The following SLC2A2 variants were observed in gnomAD, a reference collection of about 807,000 sequenced individuals.
SLC2A2 encodes the protein solute carrier family 2 member 2.
Under a neutral mutation model 54.5 loss-of-function variants are expected in SLC2A2, and 36 were observed. The observed-to-expected ratio is 0.66, with a 90% CI of 0.51 to 0.87. SLC2A2 has a LOEUF of 0.87. Among genes scored for constraint, SLC2A2 ranks in the 40% least tolerant of loss-of-function variants. The pLI, the probability that SLC2A2 is intolerant of heterozygous loss-of-function variation, is 0.00. For synonymous variants in SLC2A2, 223 were observed against 219.1 expected (o/e 1.02, Z -0.16); for missense variants, 543 against 624.3 (o/e 0.87, Z 1.39).
chr3:171,018,774 G>A, intron 1 of SLC2A2, 151 bp from the exon 2 acceptor site: 1 of 681,670 alleles, frequency 1.5e-6, no homozygotes, highest in South Asian at 1.5e-5. Flanking sequence ...CTCCAGGCTG[G>A]CAGGTGTTGT....
Position 171,002,645 on chromosome 3 carries a change from A to G in SLC2A2, c.999T>C (p.Ala333=). 6.2e-7 allele frequency: 1 copy of G among 1,609,906 alleles called. No homozygotes were observed. Among genetic ancestry groups the G allele is most frequent in the Non-Finnish European group, 8.5e-7 (1 of 1,177,538 alleles). ...FYYSTSIFQT[A]GISKPVYATI... is the part of the protein sequence containing the mutation. ...TTGCATAAACAGGTTTGCTGATACC[A>G]GCCGTCTGAAAAATGCTGGTTGAGT... Residue 333 remains alanine, a synonymous_variant, in exon 8 of 11, where the codon GCT becomes GCC. Transcript: ENST00000314251.
In SLC2A2 at chr3:170,996,916, A is replaced by G; in HGVS notation, c.*987T>C. 1 of 357,332 alleles carries G rather than the reference A, an allele frequency of 2.8e-6. No individual in the cohort carries two copies. The highest frequency in any genetic ancestry group is 4.0e-5 in the East Asian group (1 of 25,070). The allele number at this position is 357,332 out of a possible 1,614,324, so 22.1% of individuals were successfully genotyped here. A position where few individuals can be genotyped will look rare whatever the true frequency, so the allele number is the denominator to read the frequency against. ...GGAATCCTCAAACCCTACCTTTTCA[A>G]CTTATTTTGAGACATAATAATTCAG... On this transcript the variant is annotated 3_prime_UTR_variant, in exon 11 of 11. Coordinates refer to ENST00000314251, the MANE Select transcript of SLC2A2 (RefSeq NM_000340.2).
intron 6 of SLC2A2, 132 bp downstream of exon 6, chr3:171,005,811 C>T: frequency 1.1e-6 from 1 of 872,588 alleles, no homozygotes; most frequent in South Asian, 1.5e-5. Context: ...AAATGACATG[C>T]ACCAGTCATA....
intron 3 of SLC2A2, among the ~76,000 whole-genome samples, chr3:171,011,286 A>G (rs547280928): frequency 2.0e-5 from 3 of 152,274 alleles, no homozygotes; most frequent in South Asian, 4.1e-4. Flanking sequence ...ATTATCTTCA[A>G]TTATCTGAGT....
At chr3:171,011,323 C>T (rs527665571) in intron 3 of SLC2A2, among the ~76,000 whole-genome samples, 4 of 152,116 alleles carry the variant, frequency 2.6e-5, no homozygotes, top group African/African-American at 4.8e-5. Flanking sequence ...TCACAAATGT[C>T]CTGATAAGAG....
chr3:170,996,482 A>C lies in SLC2A2; in HGVS notation c.*1421T>G, dbSNP rs991571904. 16 of 396,002 alleles carry C rather than the reference A, an allele frequency of 4.0e-5. No homozygotes were observed. The highest frequency in any genetic ancestry group is 6.7e-5 in the Non-Finnish European group (15 of 224,500). The allele number at this position is 396,002 out of a possible 1,614,324, so 24.5% of individuals were successfully genotyped here. A position where few individuals can be genotyped will look rare whatever the true frequency, so the allele number is the denominator to read the frequency against. On this transcript the variant is annotated 3_prime_UTR_variant, in exon 11 of 11. Coordinates refer to ENST00000314251, the MANE Select transcript of SLC2A2 (RefSeq NM_000340.2). ...TACTTTTTAAAAAGTGCTTTTCTTC[A>C]ATACACATTAAAGCAAACATAAGAA...
chr3:171,003,501 TTTTTGCC>T (rs1376257910), intron 7 of SLC2A2, among the ~76,000 whole-genome samples: 7 of 151,898 alleles, frequency 4.6e-5, no homozygotes, highest in African/African-American at 7.3e-5. Context: ...TTTATTTTGA[TTTTTGCC>T]TTTTGCCTTC....
chr3:171,021,529 A>G (rs146542069), intron 1 of SLC2A2, among the ~76,000 whole-genome samples: 234 of 152,286 alleles, frequency 1.5e-3, no homozygotes, highest in African/African-American at 5.1e-3. Flanking sequence ...GCTCATGCCT[A>G]TAGTCCCAGC....
chr3:171,006,558 G>T lies in SLC2A2; in HGVS notation c.613-453C>A, dbSNP rs189806652. Among the ~76,000 whole-genome samples, 256 of 152,068 alleles carry T rather than the reference G, an allele frequency of 1.7e-3. 3 individuals carry two copies. Among genetic ancestry groups the T allele is most frequent in the Admixed American group, 0.015 (228 of 15,246 alleles). On this transcript the variant is annotated intron_variant, in intron 5 of 10. Coordinates refer to ENST00000314251, the MANE Select transcript of SLC2A2 (RefSeq NM_000340.2). ...TATTACCCAGAACTTATAGAAAGGG[G>T]TTTTATAGATAGAACAATTACTGTG...
chr3:171,009,904 CA>C, intron 4 of SLC2A2, 53 bp downstream of exon 4: 1 of 1,508,822 alleles, frequency 6.6e-7, no homozygotes. Flanking sequence ...TACTTTCAGA[CA>C]AAGGTAGGTG....
At chr3:171,019,075 GTATA>G (rs201104047) in intron 1 of SLC2A2, among the ~76,000 whole-genome samples, 11 of 134,462 alleles carry the variant, frequency 8.2e-5, no homozygotes, top group African/African-American at 3.2e-4. Flanking sequence ...GTGTGTGTGT[GTATA>G]TATATATGTG....
At position 171,021,100 on chromosome 3, in the gene SLC2A2, C is replaced by T. The variant is rs192768029; in HGVS notation, c.16-2477G>A. On this transcript the variant is annotated intron_variant, in intron 1 of 10. Coordinates refer to ENST00000314251, the MANE Select transcript of SLC2A2 (RefSeq NM_000340.2). ...TGAATTTAAAATCTAAAATGTAACT[C>T]GACATCTAAAACTCAGTGGCTTAGA... 2.1e-4 allele frequency among the ~76,000 whole-genome samples: 32 copies of T among 152,172 alleles called. No homozygotes were observed. In the East Asian group the frequency reaches 5.0e-3, roughly 24 times the overall value.
chr3:171,006,811 A>G (rs1715624883), intron 5 of SLC2A2, among the ~76,000 whole-genome samples: 1 of 152,064 alleles, frequency 6.6e-6, no homozygotes, highest in African/African-American at 2.4e-5. Flanking sequence ...ATTTCTTGAC[A>G]TCTAAATGGA....
intron 8 of SLC2A2, among the ~76,000 whole-genome samples, chr3:171,000,158 C>G (rs1214603921): frequency 2.6e-5 from 4 of 151,766 alleles, no homozygotes; most frequent in African/African-American, 9.7e-5. Context: ...CAGTGAAAGC[C>G]TGTTTCTCAG....
chr3:171,001,249 T>C (rs965858714), intron 8 of SLC2A2, among the ~76,000 whole-genome samples: 1 of 152,094 alleles, frequency 6.6e-6, no homozygotes, highest in African/African-American at 2.4e-5. Flanking sequence ...CAAAATGTTT[T>C]AATAATAATC....
intron 9 of SLC2A2, 36 bp from the exon 10 acceptor site, chr3:170,998,432 A>T: frequency 6.4e-7 from 1 of 1,566,724 alleles, no homozygotes; most frequent in Non-Finnish European, 8.8e-7. Flanking sequence ...TGGGACTGAG[A>T]TCATTTGGCT....
Position 170,996,991 on chromosome 3 carries a change from T to C in SLC2A2, c.*912A>G. On this transcript the variant is annotated 3_prime_UTR_variant, in exon 11 of 11. Transcript: ENST00000314251. ...ATCCTTTACTTCAAATTTTCTTACA[T>C]TAGATTTGATCAAACTTATTAGGAA... is the stretch of plus-strand genomic sequence containing the variant. 1 of 212,460 alleles carries C rather than the reference T, an allele frequency of 4.7e-6. No individual in the cohort carries two copies. The highest frequency in any genetic ancestry group is 9.2e-6 in the Non-Finnish European group (1 of 108,132). The allele number at this position is 212,460 out of a possible 1,614,324, so 13.2% of individuals were successfully genotyped here.
Position 171,018,617 on chromosome 3 carries a change from C to T in SLC2A2, c.22G>A (p.Gly8Arg). ...GTGATGACAGTGAAAACCAGGGTCC[C>T]AGTGACCTGCAGGGGGCGAGACACA... MTEDKVT[G>R]TLVFTVITAV... The change falls in exon 2 of 11, where the codon GGG (glycine) becomes AGG (arginine). Residue 8 changes from glycine to arginine, a missense_variant. Gly to Arg is a moderately radical substitution (Grantham distance 125). Coordinates refer to ENST00000314251, the MANE Select transcript of SLC2A2 (RefSeq NM_000340.2). 6.2e-7 allele frequency: 1 copy of T among 1,612,484 alleles called. No homozygotes were observed. The highest frequency in any genetic ancestry group is 8.5e-7 in the Non-Finnish European group (1 of 1,178,568).
intron 5 of SLC2A2, 143 bp downstream of exon 5, chr3:171,007,005 T>A (rs1715642049): frequency 1.4e-6 from 1 of 692,168 alleles, no homozygotes; most frequent in Non-Finnish European, 2.7e-6. Context: ...CTCTCTGTGC[T>A]GGTCTACAGT....
Sources: allele counts gnomAD v4.1 joint callset (sites outside exome capture counted in the v4.1 genomes callset), GRCh38; gene constraint gnomAD v4.1.1; transcripts MANE v1.5; gene names NCBI Gene and HGNC (gene_info 2026-07-23, HGNC 2026-07-21).